SRCIN1: variants seen among roughly 807,000 people sequenced by gnomAD.
SRCIN1 encodes P130Cas-associated protein.
A neutral mutation model predicts 116.2 loss-of-function variants in SRCIN1; 50 were observed. That is an observed-to-expected ratio of 0.43 (90% CI 0.34 to 0.54). The LOEUF (loss-of-function observed/expected upper bound fraction) is 0.54. SRCIN1 is among the 20% of genes least tolerant of loss of function. The probability of loss-of-function intolerance (pLI) is 0.02; values close to 1 mark genes in which losing one functional copy is unlikely to be tolerated. For synonymous variants in SRCIN1, 736 were observed against 750.0 expected (o/e 0.98, Z 0.30); for missense variants, 1,446 against 1,672.0 (o/e 0.86, Z 2.36).
In SRCIN1 at chr17:38,605,951, C is replaced by G. The variant is rs1211706815; in HGVS notation, c.-246G>C. ...AGTGTGTGTGTGTTTGAGTGTGTGT[C>G]TGCGCGCGCGCGGGCCGGCGCGGGT... On this transcript the variant is annotated 5_prime_UTR_variant, in exon 1 of 19. Transcript: ENST00000617146. The G allele has an allele frequency of 7.0e-6, 1 of 142,492 alleles. No individual in the cohort carries two copies. The highest frequency in any genetic ancestry group is 1.6e-5 in the Non-Finnish European group (1 of 64,510). The allele number at this position is 142,492 out of a possible 1,614,324, so 8.8% of individuals were successfully genotyped here.
At position 38,563,836 on chromosome 17, in the gene SRCIN1, GAGTT is replaced by G. The variant is rs1201959895; in HGVS notation, c.541+278_541+281del. Reference sequence around the variant, plus strand: ...AGCTGAGGGAGAGAGAGGTTGGAGAGAGTTAGAGAAGGGAGATGGGAGAGAAGGG... The same window carrying G: ...AGCTGAGGGAGAGAGAGGTTGGAGAGAGAGAAGGGAGATGGGAGAGAAGGG... On this transcript the variant is annotated intron_variant, in intron 4 of 18. Transcript: ENST00000617146. This position sits in a 1 kb window ranked among gnomAD's most constrained non-coding sequence, Gnocchi z 5.8. 1.4e-5 allele frequency: 9 copies of G among 621,086 alleles called. No individual in the cohort carries two copies. The highest frequency in any genetic ancestry group is 2.8e-5 in the Admixed American group (1 of 35,098). 38.5% of individuals were successfully genotyped at this position (621,086 alleles called of 1,614,324 possible). A position where few individuals can be genotyped will look rare whatever the true frequency, so the allele number is the denominator to read the frequency against.
chr17:38,577,920 C>CCAA (rs1470489104), intron 2 of SRCIN1, among the ~76,000 whole-genome samples: 1 of 152,106 alleles, frequency 6.6e-6, no homozygotes, highest in Non-Finnish European at 1.5e-5. Flanking sequence ...GCCTCCAGCT[C>CCAA]CAAGTCACCC....
rs759695357 is a variant in SRCIN1, at chr17:38,559,697, G to A, written c.1913C>T (p.Pro638Leu). ...GCTAACGGCGGTAGGCTGACCTGCG[G>A]GGGTGCTGCTGGCCGAGGGCGGGGG... ...GPPPPSASSTPAGQPTAVSRL... is the reference protein window; with the variant it reads ...GPPPPSASSTLAGQPTAVSRL... Residue 638 changes from proline to leucine, a missense_variant, in exon 10 of 19, where the codon CCC becomes CTC. Physicochemically the swap from Pro to Leu is moderately conservative, Grantham distance 98. Coordinates refer to ENST00000617146, the MANE Select transcript of SRCIN1 (RefSeq NM_025248.3). The A allele has an allele frequency of 1.3e-5, 21 of 1,592,984 alleles. No homozygotes were observed. Among genetic ancestry groups the A allele is most frequent in the South Asian group, 3.3e-5 (3 of 90,038 alleles).
rs769378388 is a variant in SRCIN1, at chr17:38,559,581, G to T, written c.2025+4C>A. 9.4e-6 allele frequency: 15 copies of T among 1,598,504 alleles called. No homozygotes were observed. Among genetic ancestry groups the T allele is most frequent in the Admixed American group, 3.3e-5 (2 of 59,796 alleles). On this transcript the variant is annotated splice_donor_region_variant and intron_variant, in intron 10 of 18. Transcript: ENST00000617146. ...GTGGGGCGGGGCCCAGGACGGGGCG[G>T]TACCTGGAGCTTGCGCAACTGCTGG...
intron 1 of SRCIN1, among the ~76,000 whole-genome samples, chr17:38,596,184 G>A (rs527705465): frequency 1.3e-5 from 2 of 152,216 alleles, no homozygotes; most frequent in African/African-American, 2.4e-5. Flanking sequence ...AGAAAGGCCC[G>A]GCTGCAGAGG....
chr17:38,567,200 C>T (rs1001458710), intron 3 of SRCIN1, among the ~76,000 whole-genome samples: 11 of 152,200 alleles, frequency 7.2e-5, no homozygotes, highest in Non-Finnish European at 1.2e-4. Flanking sequence ...CCAGCACATC[C>T]GGCCTTTTTT....
chr17:38,606,217 G>A (rs1048086757), upstream of SRCIN1, among the ~76,000 whole-genome samples: 9 of 151,810 alleles, frequency 5.9e-5, no homozygotes, highest in African/African-American at 2.2e-4. The surrounding 1 kb of genome is among the most constrained non-coding windows in gnomAD (Gnocchi z 5.2). Flanking sequence ...CCACGATAGA[G>A]ACAAATACAT....
At chr17:38,575,531 G>A (rs1907364713) in intron 2 of SRCIN1, among the ~76,000 whole-genome samples, 1 of 152,194 alleles carries the variant, frequency 6.6e-6, no homozygotes. Flanking sequence ...TTACAGGCGT[G>A]AGCCACTGCG....
rs1023179415 is a variant in SRCIN1, at chr17:38,558,141, A to C, written c.2201+86T>G. 31 of 1,456,506 alleles carry C rather than the reference A, an allele frequency of 2.1e-5. No homozygotes were observed. Among genetic ancestry groups the C allele is most frequent in the Non-Finnish European group, 2.7e-5 (29 of 1,060,228 alleles). 90.2% of individuals were successfully genotyped at this position (1,456,506 alleles called of 1,614,324 possible). On this transcript the variant is annotated intron_variant, in intron 11 of 18. Transcript: ENST00000617146. This position sits in a 1 kb window ranked among gnomAD's most constrained non-coding sequence, Gnocchi z 4.6. ...CAACGCCACCTGTGACTCAGAGGGAAGGGAGCTGCGCCTCCCAGGGAAACC... is the reference window on the plus strand; with the variant it reads ...CAACGCCACCTGTGACTCAGAGGGACGGGAGCTGCGCCTCCCAGGGAAACC...
rs1433565898 is a variant in SRCIN1 at position 38,548,727 on chromosome 17, C to T, written c.3118-18G>A. ...TCAGCCTTCTGCAAGGCCCGGGACT[C>T]CTGTCAAGGCCAGGCTCTGCCCCAC... On this transcript the variant is annotated intron_variant, in intron 16 of 18. Coordinates refer to ENST00000617146, the MANE Select transcript of SRCIN1 (RefSeq NM_025248.3). The T allele has an allele frequency of 4.5e-6, 7 of 1,566,712 alleles. No homozygotes were observed. Among genetic ancestry groups the T allele is most frequent in the East Asian group, 2.3e-5 (1 of 44,322 alleles).
chr17:38,591,119 G>C, intron 1 of SRCIN1, among the ~76,000 whole-genome samples: 1 of 152,168 alleles, frequency 6.6e-6, no homozygotes, highest in East Asian at 1.9e-4. Context: ...TGCTGGATAC[G>C]AAGCCCTCCC....
intron 1 of SRCIN1, 122 bp from the exon 2 acceptor site, chr17:38,578,913 C>T (rs952738976): frequency 6.0e-6 from 7 of 1,171,782 alleles, no homozygotes; most frequent in South Asian, 3.4e-5. Context: ...GAGAGGCGCC[C>T]GGGGAGAGGC....
Position 38,563,238 on chromosome 17 carries a change from G to A in SRCIN1, c.740+85C>T. On this transcript the variant is annotated intron_variant, in intron 5 of 18. Transcript: ENST00000617146. The surrounding 1 kb of genome is among the most constrained non-coding windows in gnomAD (Gnocchi z 5.8). ...AAGGCTGAGGTCGGGTCAGGAAGGA[G>A]CTGGGGAAGGGCCGGCGGGGTCCAG... The A allele has an allele frequency of 5.4e-6, 8 of 1,473,324 alleles. No individual in the cohort carries two copies. Among genetic ancestry groups the A allele is most frequent in the Non-Finnish European group, 7.3e-6 (8 of 1,088,530 alleles). 91.3% of individuals were successfully genotyped at this position (1,473,324 alleles called of 1,614,324 possible). A position where few individuals can be genotyped will look rare whatever the true frequency, so the allele number is the denominator to read the frequency against.
At chr17:38,594,483 C>T (rs928660833) in intron 1 of SRCIN1, among the ~76,000 whole-genome samples, 1 of 152,066 alleles carries the variant, frequency 6.6e-6, no homozygotes, top group Non-Finnish European at 1.5e-5. Context: ...GGACGTGGAA[C>T]CTGAAAATAG....
chr17:38,594,183 C>A (rs556294457), intron 1 of SRCIN1, among the ~76,000 whole-genome samples: 1 of 152,186 alleles, frequency 6.6e-6, no homozygotes, highest in African/African-American at 2.4e-5. Context: ...GTAACTCACG[C>A]GAGCAAGGAG....
rs556323685 is a variant in SRCIN1, at chr17:38,568,582, A to G, written c.325-351T>C. On this transcript the variant is annotated intron_variant, in intron 2 of 18. Coordinates refer to ENST00000617146, the MANE Select transcript of SRCIN1 (RefSeq NM_025248.3). The surrounding 1 kb of genome is among the most constrained non-coding windows in gnomAD (Gnocchi z 4.5). ...TCAGAGAAATGGCAGGCCAGGGAAC[A>G]GTGCTTGGAAGAGGTGGCATTTGAG... Among the ~76,000 whole-genome samples the G allele has an allele frequency of 6.6e-6, 1 of 152,200 alleles. No individual in the cohort carries two copies. The highest frequency in any genetic ancestry group is 2.4e-5 in the African/African-American group (1 of 41,466).
Position 38,552,771 on chromosome 17 carries a change from C to A in SRCIN1, c.2286G>T (p.Lys762Asn). 6.2e-7 allele frequency: 1 copy of A among 1,614,020 alleles called. No homozygotes were observed. ...CCCCGAGCTGCTTCAGCACCAGTGCCTTCTCCTCCAGCTCAGGGCCGGGCA... is the reference window on the plus strand; with the variant it reads ...CCCCGAGCTGCTTCAGCACCAGTGCATTCTCCTCCAGCTCAGGGCCGGGCA... ...RLVPGPELEE[K>N]ALVLKQLGET... Residue 762 changes from lysine (K) to asparagine (N), a missense_variant, in exon 12 of 19, where the codon AAG (lysine) becomes AAT (asparagine). Coordinates refer to ENST00000617146, the MANE Select transcript of SRCIN1 (RefSeq NM_025248.3). The surrounding 1 kb of genome is among the most constrained non-coding windows in gnomAD (Gnocchi z 5.3).
At chr17:38,587,680 G>A (rs1164038255) in intron 1 of SRCIN1, among the ~76,000 whole-genome samples, 2 of 152,112 alleles carry the variant, frequency 1.3e-5, no homozygotes, top group African/African-American at 4.8e-5. Context: ...GGAGGACACA[G>A]ACTAACAACC....
At chr17:38,566,119 C>T (rs1415926179) in intron 3 of SRCIN1, among the ~76,000 whole-genome samples, 3 of 152,100 alleles carry the variant, frequency 2.0e-5, no homozygotes, top group African/African-American at 7.2e-5. Flanking sequence ...TCAGGCAGCA[C>T]GAGGCAGCCA....
Sources: gnomAD v4.1 joint callset for allele counts (sites outside exome capture counted in the v4.1 genomes callset) on GRCh38, gnomAD v4.1.1 for gene constraint, Gnocchi (gnomAD v3.1) non-coding constraint, MANE v1.5 for transcripts, NCBI Gene and HGNC (gene_info 2026-07-23, HGNC 2026-07-21) for gene names.